CFAP299: variants seen among roughly 807,000 people sequenced by gnomAD.
CFAP299 encodes the protein cilia- and flagella-associated protein 299.
In CFAP299, 21 loss-of-function variants were observed where a neutral mutation model predicts 27.0. The observed-to-expected ratio is 0.78, with a 90% CI of 0.55 to 1.12. The LOEUF (loss-of-function observed/expected upper bound fraction) is 1.12, where lower values mean the gene tolerates loss of function less well. Among genes scored for constraint, CFAP299 ranks in the 50% most tolerant of loss-of-function variants. The pLI, the probability that CFAP299 is intolerant of heterozygous loss-of-function variation, is 0.00. For missense variants in CFAP299, 310 were observed against 276.6 expected (o/e 1.12, Z -0.86); for synonymous variants, 104 against 98.1 (o/e 1.06, Z -0.36).
At chr4:80,671,636 G>A (rs1378026294) in intron 3 of CFAP299, among the ~76,000 whole-genome samples, 1 of 152,166 alleles carries the variant, frequency 6.6e-6, no homozygotes, top group Admixed American at 6.5e-5. Context: ...AGTATGGAGT[G>A]TTCTTCCATT....
At chr4:80,505,043 A>G (rs565356540) in intron 2 of CFAP299, among the ~76,000 whole-genome samples, 3 of 149,390 alleles carry the variant, frequency 2.0e-5, no homozygotes, top group South Asian at 2.1e-4. Flanking sequence ...AATCATTTAT[A>G]TATCATTTAT....
At chr4:80,390,580 T>TATATGTATATATGTATACACAC (rs1725301533) in intron 2 of CFAP299, among the ~76,000 whole-genome samples, 8 of 20,726 alleles carry the variant, frequency 3.9e-4, no homozygotes, top group African/African-American at 5.9e-4. Context: ...TATACACACA[T>TATATGTATATATGTATACACAC]ATATGTATAT....
At chr4:80,512,252 G>A (rs1732346876) in intron 2 of CFAP299, among the ~76,000 whole-genome samples, 1 of 151,566 alleles carries the variant, frequency 6.6e-6, no homozygotes, top group African/African-American at 2.4e-5. Context: ...GTGCATGTGT[G>A]TGTGTAGAAG....
At chr4:80,692,201 G>C (rs1024969267) in intron 3 of CFAP299, among the ~76,000 whole-genome samples, 8 of 152,108 alleles carry the variant, frequency 5.3e-5, no homozygotes, top group African/African-American at 1.9e-4. Context: ...CTACCTTAAA[G>C]TTTATATGGC....
chr4:80,406,269 A>C (rs1236968602), intron 2 of CFAP299, among the ~76,000 whole-genome samples: 1 of 152,212 alleles, frequency 6.6e-6, no homozygotes, highest in Non-Finnish European at 1.5e-5. Context: ...CAGATCCTTA[A>C]ATCTCAGGAA....
chr4:80,676,864 TTG>T (rs1719494564), intron 3 of CFAP299, among the ~76,000 whole-genome samples: 1 of 152,022 alleles, frequency 6.6e-6, no homozygotes. Flanking sequence ...TATAGTTAGT[TTG>T]TTAATTTTAT....
At chr4:80,364,611 T>G (rs1339999379) in intron 2 of CFAP299, among the ~76,000 whole-genome samples, 1 of 152,214 alleles carries the variant, frequency 6.6e-6, no homozygotes, top group Non-Finnish European at 1.5e-5. Flanking sequence ...AACTTTTATT[T>G]TAAGTTCAGG....
chr4:80,445,556 G>A (rs1425650180), intron 2 of CFAP299, among the ~76,000 whole-genome samples: 1 of 152,084 alleles, frequency 6.6e-6, no homozygotes, highest in Non-Finnish European at 1.5e-5. Flanking sequence ...ATAGTGTTAA[G>A]AAAAATACCT....
At chr4:80,726,921 T>C (rs923877123) in intron 3 of CFAP299, among the ~76,000 whole-genome samples, 3 of 152,154 alleles carry the variant, frequency 2.0e-5, no homozygotes, top group Non-Finnish European at 4.4e-5. Flanking sequence ...ATACTTTCCA[T>C]GATTAATGTT....
intron 4 of CFAP299, among the ~76,000 whole-genome samples, chr4:80,908,944 C>T (rs1735323914): frequency 6.6e-6 from 1 of 151,994 alleles, no homozygotes; most frequent in South Asian, 2.1e-4. Context: ...TACCTTAGTT[C>T]TACCTGTTTT....
chr4:80,749,115 G>A (rs1160423297), intron 3 of CFAP299, among the ~76,000 whole-genome samples: 1 of 152,114 alleles, frequency 6.6e-6, no homozygotes, highest in Non-Finnish European at 1.5e-5. Flanking sequence ...TCATTAAAGA[G>A]AAAGAGAATA....
intron 3 of CFAP299, among the ~76,000 whole-genome samples, chr4:80,590,663 C>T (rs886398726): frequency 5.3e-5 from 8 of 152,096 alleles, no homozygotes; most frequent in Admixed American, 1.3e-4. Context: ...ACCATGCACA[C>T]GGCATCCTTA....
At chr4:80,892,218 A>G (rs2110187712) in intron 4 of CFAP299, among the ~76,000 whole-genome samples, 1 of 152,246 alleles carries the variant, frequency 6.6e-6, no homozygotes, top group East Asian at 1.9e-4. Context: ...CCTACAGGGA[A>G]CTCATTTTCC....
chr4:80,690,625 T>C (rs2110015565), intron 3 of CFAP299, among the ~76,000 whole-genome samples: 1 of 151,844 alleles, frequency 6.6e-6, no homozygotes, highest in South Asian at 2.1e-4. Context: ...AACATCACAA[T>C]TAAAAGAACT....
chr4:80,325,575 T>G, the CFAP299 span, among the ~76,000 whole-genome samples: 1 of 152,224 alleles, frequency 6.6e-6, no homozygotes, highest in Admixed American at 6.5e-5. Context: ...TAAGTTAATA[T>G]ATGAAGGACC....
intron 2 of CFAP299, among the ~76,000 whole-genome samples, chr4:80,534,960 T>C (rs1733653483): frequency 6.6e-6 from 1 of 152,196 alleles, no homozygotes; most frequent in South Asian, 2.1e-4. Context: ...TCTTCAAGCT[T>C]CTAAATTCTA....
intron 1 of CFAP299, among the ~76,000 whole-genome samples, chr4:80,346,887 G>C (rs541828667): frequency 3.3e-5 from 5 of 152,178 alleles, no homozygotes; most frequent in African/African-American, 1.2e-4. Flanking sequence ...TCACAATATT[G>C]ATTCTTCCTA....
intron 4 of CFAP299, among the ~76,000 whole-genome samples, chr4:80,938,008 A>G (rs921623903): frequency 1.3e-5 from 2 of 152,198 alleles, no homozygotes; most frequent in East Asian, 1.9e-4. Flanking sequence ...AACAAATTCT[A>G]CACTTTTACT....
chr4:80,881,677 T>C (rs1408820479), intron 4 of CFAP299, among the ~76,000 whole-genome samples: 1 of 152,174 alleles, frequency 6.6e-6, no homozygotes, highest in Non-Finnish European at 1.5e-5. Context: ...GACAACAAAG[T>C]AAACCTACAA....
Sources: allele counts gnomAD v4.1 joint callset (sites outside exome capture counted in the v4.1 genomes callset), GRCh38; gene constraint gnomAD v4.1.1; transcripts MANE v1.5; gene names NCBI Gene and HGNC (gene_info 2026-07-23, HGNC 2026-07-21).